The following SLCO1B3 variants were observed in gnomAD, a reference collection of about 807,000 sequenced individuals.
SLCO1B3 encodes liver-specific organic anion transporter 2.
A neutral mutation model predicts 71.8 loss-of-function variants in SLCO1B3; 72 were observed. The ratio of observed to expected loss-of-function variants is 1.00; its 90% CI spans 0.83 to 1.22. SLCO1B3 has a LOEUF of 1.22. Among genes scored for constraint, SLCO1B3 ranks in the 50% most tolerant of loss-of-function variants. The pLI, the probability that SLCO1B3 is intolerant of heterozygous loss-of-function variation, is 0.00. For missense variants in SLCO1B3, 911 were observed against 819.7 expected (o/e 1.11, Z -1.36); for synonymous variants, 298 against 278.4 (o/e 1.07, Z -0.70).
At chr12:20,892,325 G>A (rs1039915253) in intron 13 of SLCO1B3, among the ~76,000 whole-genome samples, 1 of 152,256 alleles carries the variant, frequency 6.6e-6, no homozygotes. Context: ...GCAACAGTCA[G>A]CACAGCAAGT....
In SLCO1B3 at chr12:20,862,394, ACT is replaced by A. The variant is rs1865283931; in HGVS notation, c.482-13_482-12del. 1.3e-6 allele frequency: 2 copies of A among 1,585,406 alleles called. No homozygotes were observed. The highest frequency in any genetic ancestry group is 1.9e-5 in the Admixed American group (1 of 53,614). The stretch of plus-strand genomic sequence containing the variant: ...TTAAAATTAATGTTTAAAGTAAAAC[ACT>A]CTCTTGTCTCGATAGATTGTGTAAA... On this transcript the variant is annotated splice_polypyrimidine_tract_variant and intron_variant, in intron 6 of 15. Coordinates refer to ENST00000381545, the MANE Select transcript of SLCO1B3 (RefSeq NM_019844.4).
chr12:20,891,111 A>T (rs1865893710), intron 13 of SLCO1B3, among the ~76,000 whole-genome samples: 2 of 152,128 alleles, frequency 1.3e-5, no homozygotes, highest in African/African-American at 4.8e-5. Flanking sequence ...TTAAAATAAG[A>T]TCTGTAAGTT....
intron 8 of SLCO1B3, among the ~76,000 whole-genome samples, chr12:20,872,330 G>A (rs1346270597): frequency 6.6e-6 from 1 of 151,424 alleles, no homozygotes; most frequent in Non-Finnish European, 1.5e-5. Flanking sequence ...AGCATTTCTA[G>A]ACTTGCCTCT....
rs1325238570 is a variant in SLCO1B3, at chr12:20,879,567, C to T, written c.1267C>T (p.Leu423Phe). The T allele has an allele frequency of 6.2e-7, 1 of 1,613,142 alleles. No homozygotes were observed. Among genetic ancestry groups the T allele is most frequent in the Non-Finnish European group, 8.5e-7 (1 of 1,179,496 alleles). The change falls in exon 11 of 16, where the codon CTT becomes TTT. Residue 423 changes from leucine to phenylalanine, a missense_variant. Coordinates refer to ENST00000381545, the MANE Select transcript of SLCO1B3 (RefSeq NM_019844.4). ...TTCGATGATATCCTTCTTGTTTCAA[C>T]TTCTATATTTCCCTCTAATCTGCGA... is the stretch of plus-strand genomic sequence containing the variant. ...LTSMISFLFQ[L>F]LYFPLICESK...
intron 15 of SLCO1B3, chr12:20,901,792 C>G (rs950732618): frequency 2.8e-5 from 10 of 353,276 alleles, no homozygotes; most frequent in Non-Finnish European, 5.4e-5. Context: ...AAAGCTCTCT[C>G]CCACTGGCTT....
intron 9 of SLCO1B3, among the ~76,000 whole-genome samples, chr12:20,875,737 C>A (rs1005128417): frequency 2.7e-4 from 41 of 152,016 alleles, no homozygotes; most frequent in African/African-American, 9.9e-4. Flanking sequence ...TGCTTATAAG[C>A]CAGAGTATAT....
chr12:20,876,095 TTA>T (rs4149164), intron 9 of SLCO1B3, among the ~76,000 whole-genome samples: 99,100 of 149,866 alleles, frequency 0.66, 36,007 homozygotes, highest in South Asian at 0.86. Context: ...TGAATTAAAA[TTA>T]TATATATACA....
intron 4 of SLCO1B3, among the ~76,000 whole-genome samples, chr12:20,858,234 A>G (rs1865179761): frequency 6.6e-6 from 1 of 152,118 alleles, no homozygotes; most frequent in South Asian, 2.1e-4. Flanking sequence ...CTTTCTTTGC[A>G]TATAAAACCT....
intron 3 of SLCO1B3, among the ~76,000 whole-genome samples, chr12:20,827,824 T>C (rs1864458881): frequency 1.3e-5 from 2 of 152,156 alleles, no homozygotes; most frequent in Non-Finnish European, 2.9e-5. Context: ...CGCCTTGGCC[T>C]TCCAAAGTGC....
At chr12:20,889,120 G>T (rs1293865145) in intron 13 of SLCO1B3, among the ~76,000 whole-genome samples, 4 of 142,284 alleles carry the variant, frequency 2.8e-5, no homozygotes, top group Admixed American at 7.1e-5. Flanking sequence ...GAGGATATTT[G>T]GATCTATGTT....
At position 20,862,747 on chromosome 12, in the gene SLCO1B3, T is replaced by C; in HGVS notation, c.629-9T>C. On this transcript the variant is annotated splice_polypyrimidine_tract_variant and intron_variant, in intron 7 of 15. Coordinates refer to ENST00000381545, the MANE Select transcript of SLCO1B3 (RefSeq NM_019844.4). ...GACATCTGATTAAATTGTTTTGTAA[T>C]ACTTACAGGTAGTTTGAATGCAATA... The C allele has an allele frequency of 6.3e-7, 1 of 1,593,160 alleles. No individual in the cohort carries two copies. Among genetic ancestry groups the C allele is most frequent in the Non-Finnish European group, 8.6e-7 (1 of 1,165,984 alleles).
chr12:20,880,499 A>T (rs1865667447), intron 11 of SLCO1B3, among the ~76,000 whole-genome samples: 1 of 151,544 alleles, frequency 6.6e-6, no homozygotes, highest in Admixed American at 6.6e-5. Flanking sequence ...AGAAAAATGA[A>T]GTTACTTATA....
chr12:20,898,246 A>G (rs1866054955), intron 13 of SLCO1B3, among the ~76,000 whole-genome samples, 190 bp from the exon 14 acceptor site: 1 of 152,122 alleles, frequency 6.6e-6, no homozygotes, highest in Non-Finnish European at 1.5e-5. Flanking sequence ...AAATAAAGAA[A>G]TTATTATTAT....
intron 3 of SLCO1B3, among the ~76,000 whole-genome samples, chr12:20,833,557 G>A (rs184212087): frequency 8.2e-4 from 121 of 146,834 alleles, no homozygotes; most frequent in African/African-American, 2.9e-3. Context: ...GTACACATAT[G>A]TTTACTATAT....
intron 15 of SLCO1B3, among the ~76,000 whole-genome samples, chr12:20,913,233 C>T (rs1053275730): frequency 5.3e-5 from 8 of 152,120 alleles, no homozygotes; most frequent in African/African-American, 1.7e-4. Context: ...ATCCACTTAA[C>T]ATTGTCCATA....
chr12:20,887,696 AT>A (rs879313729), intron 13 of SLCO1B3, among the ~76,000 whole-genome samples: 168 of 141,860 alleles, frequency 1.2e-3, no homozygotes, highest in Non-Finnish European at 1.7e-3. Context: ...TATTATTATT[AT>A]TTTTTTTTTT....
intron 15 of SLCO1B3, among the ~76,000 whole-genome samples, chr12:20,904,590 G>A (rs1402045951): frequency 6.6e-6 from 1 of 151,752 alleles, no homozygotes; most frequent in Non-Finnish European, 1.5e-5. Flanking sequence ...CTACCATTCT[G>A]GAGTCTGGAG....
At chr12:20,852,934 C>A (rs1053950100) in intron 3 of SLCO1B3, among the ~76,000 whole-genome samples, 29 of 151,850 alleles carry the variant, frequency 1.9e-4, no homozygotes, top group African/African-American at 7.0e-4. Context: ...AATTTCTTTT[C>A]CTAGAACTTC....
At chr12:20,833,790 T>A (rs10770747) in intron 3 of SLCO1B3, among the ~76,000 whole-genome samples, 66,961 of 147,000 alleles carry the variant, frequency 0.46, 17,234 homozygotes, top group South Asian at 0.64. Context: ...ATCTCTCTAT[T>A]TCATAAAGTG....
Sources: gnomAD v4.1 joint callset for allele counts (sites outside exome capture counted in the v4.1 genomes callset) on GRCh38, gnomAD v4.1.1 for gene constraint, MANE v1.5 for transcripts, NCBI Gene and HGNC (gene_info 2026-07-23, HGNC 2026-07-21) for gene names.